Variants in TBC1D16 observed in about 807,000 individuals in gnomAD.
TBC1D16 encodes TBC1 domain family member 16.
In TBC1D16, 58 loss-of-function variants were observed where a neutral mutation model predicts 74.7. The observed-to-expected ratio is 0.78, with a 90% CI of 0.63 to 0.97. The LOEUF (loss-of-function observed/expected upper bound fraction) is 0.97. TBC1D16 is among the 50% of genes least tolerant of loss of function. The pLI is 0.00. For synonymous variants in TBC1D16, 493 were observed against 474.7 expected (o/e 1.04, Z -0.50); for missense variants, 1,014 against 1,079.5 (o/e 0.94, Z 0.85).
At position 80,010,601 on chromosome 17, in the gene TBC1D16, C is replaced by G. The variant is rs200141023; in HGVS notation, c.338G>C (p.Gly113Ala). The change falls in exon 3 of 12, where the codon GGC becomes GCC. Residue 113 changes from glycine to alanine, a missense_variant. Physicochemically the swap from Gly to Ala is moderately conservative, Grantham distance 60. Transcript: ENST00000310924. This position sits in a 1 kb window ranked among gnomAD's most constrained non-coding sequence, Gnocchi z 8.8. ...GGCTCCTGAGCTCCGGGTGCGCCGG[C>G]CCCGAGGGCGGGGTGCCTTGCGAAC... ...SPVRKAPRPR[G>A]RRTRSSGASH... is the part of the protein sequence containing the mutation. 8.2e-6 allele frequency: 13 copies of G among 1,587,236 alleles called. No individual in the cohort carries two copies. The African/African-American group carries it at 1.4e-4, about 17-fold the overall frequency.
At position 79,950,879 on chromosome 17, in the gene TBC1D16, C is replaced by T; in HGVS notation, c.1090-301G>A. 4 of 1,504,534 alleles carry T rather than the reference C, an allele frequency of 2.7e-6. No homozygotes were observed. The highest frequency in any genetic ancestry group is 3.5e-6 in the Non-Finnish European group (4 of 1,127,418). 93.2% of individuals were successfully genotyped at this position (1,504,534 alleles called of 1,614,324 possible). On this transcript the variant is annotated intron_variant, in intron 5 of 11. Transcript: ENST00000310924. This position sits in a 1 kb window ranked among gnomAD's most constrained non-coding sequence, Gnocchi z 4.6. ...GAATGCCTCGTTCGGCCTAACTTCCCTCTGCCGGGAGGGCCTGCAATGAAT... is the reference window on the plus strand; with the variant it reads ...GAATGCCTCGTTCGGCCTAACTTCCTTCTGCCGGGAGGGCCTGCAATGAAT...
At chr17:79,974,192 G>A (rs953666457) in intron 3 of TBC1D16, among the ~76,000 whole-genome samples, 1 of 152,138 alleles carries the variant, frequency 6.6e-6, no homozygotes, top group Non-Finnish European at 1.5e-5. Context: ...AGAATGGCAT[G>A]CAATTTAAAG....
chr17:79,951,736 G>T, intron 4 of TBC1D16, 139 bp from the exon 5 acceptor site: 1 of 1,043,974 alleles, frequency 9.6e-7, no homozygotes, highest in Non-Finnish European at 1.4e-6. Context: ...TTGGCTGCTA[G>T]CGGGAGGGGA....
Position 79,975,993 on chromosome 17 carries a change from C to T in TBC1D16, c.780-23175G>A, listed in dbSNP as rs1264428599. On this transcript the variant is annotated intron_variant, in intron 3 of 11. Coordinates refer to ENST00000310924, the MANE Select transcript of TBC1D16 (RefSeq NM_019020.4). This position sits in a 1 kb window ranked among gnomAD's most constrained non-coding sequence, Gnocchi z 4.5. The stretch of plus-strand genomic sequence containing the variant: ...CGGAGCCAGTCAGGGCATGGGGACG[C>T]CAGGCAGCAGTGTCAGACTTGGCCA... Among the ~76,000 whole-genome samples the T allele has an allele frequency of 2.0e-5, 3 of 152,206 alleles. No homozygotes were observed. Among genetic ancestry groups the T allele is most frequent in the African/African-American group, 7.2e-5 (3 of 41,464 alleles).
At chr17:80,006,495 A>C (rs1686704843) in intron 3 of TBC1D16, among the ~76,000 whole-genome samples, 1 of 151,720 alleles carries the variant, frequency 6.6e-6, no homozygotes, top group South Asian at 2.1e-4. Context: ...CATCATACGA[A>C]GGCCCCGGGG....
chr17:80,006,192 C>G (rs1314532760), intron 3 of TBC1D16, among the ~76,000 whole-genome samples: 1 of 151,472 alleles, frequency 6.6e-6, no homozygotes, highest in African/African-American at 2.4e-5. Flanking sequence ...CGCTCTCGCT[C>G]TCTCTCGCTC....
chr17:79,975,023 G>C lies in TBC1D16; in HGVS notation c.780-22205C>G, dbSNP rs1039005405. Among the ~76,000 whole-genome samples the C allele has an allele frequency of 6.6e-6, 1 of 152,136 alleles. No individual in the cohort carries two copies. The highest frequency in any genetic ancestry group is 1.5e-5 in the Non-Finnish European group (1 of 68,026). On this transcript the variant is annotated intron_variant, in intron 3 of 11. Transcript: ENST00000310924. This position sits in a 1 kb window ranked among gnomAD's most constrained non-coding sequence, Gnocchi z 4.5. ...CACTGCGCCCTCTATAGGTAAGAAG[G>C]CCCAAGGAAGAAGCCCTCTGCTCCG...
Position 79,940,864 on chromosome 17 carries a change from TG to T in TBC1D16, c.2298del (p.Arg767AspfsTer35). 1 of 1,542,148 alleles carries T rather than the reference TG, an allele frequency of 6.5e-7. No individual in the cohort carries two copies. On this transcript the variant is annotated frameshift_variant, in exon 12 of 12. Transcript: ENST00000310924. LOFTEE classifies it high-confidence loss of function. The surrounding 1 kb of genome is among the most constrained non-coding windows in gnomAD (Gnocchi z 5.4). ...PKTPQDGFGF[R>X]R Reference sequence around the variant, plus strand: ...TCCGGTGTCGGGGGCCCGACCTATCTGCGGAAGCCGAAGCCGTCCTGCGGCG... The same window carrying T: ...TCCGGTGTCGGGGGCCCGACCTATCTCGGAAGCCGAAGCCGTCCTGCGGCG...
intron 1 of TBC1D16, among the ~76,000 whole-genome samples, chr17:80,020,916 G>A (rs767695646): frequency 1.3e-5 from 2 of 149,982 alleles, no homozygotes; most frequent in African/African-American, 5.1e-5. Flanking sequence ...AACAATTTGG[G>A]AGGCTGACGT....
chr17:79,980,379 C>A lies in TBC1D16; in HGVS notation c.780-27561G>T, dbSNP rs370136890. On this transcript the variant is annotated intron_variant, in intron 3 of 11. Coordinates refer to ENST00000310924, the MANE Select transcript of TBC1D16 (RefSeq NM_019020.4). This position sits in a 1 kb window ranked among gnomAD's most constrained non-coding sequence, Gnocchi z 7.0. ...GCAAATTCCGCCTAACAAGCCGGAG[C>A]TTTCCTTCCTTCCCGGAGGAACAAG... Among the ~76,000 whole-genome samples the A allele has an allele frequency of 3.5e-4, 54 of 152,336 alleles. 1 individual carries two copies. The East Asian group carries it at 8.9e-3, about 25-fold the overall frequency.
At chr17:79,972,535 G>A (rs1338203845) in intron 3 of TBC1D16, among the ~76,000 whole-genome samples, 2 of 152,158 alleles carry the variant, frequency 1.3e-5, no homozygotes, top group African/African-American at 4.8e-5. Flanking sequence ...CTGACGTTAC[G>A]CTAAGTGAAA....
intron 1 of TBC1D16, among the ~76,000 whole-genome samples, chr17:80,031,726 A>G (rs1232197830): frequency 6.6e-6 from 1 of 152,164 alleles, no homozygotes; most frequent in Non-Finnish European, 1.5e-5. Context: ...AAGAAACTCA[A>G]CTCAGAGGTG....
chr17:79,978,695 C>G (rs184027951), intron 3 of TBC1D16, among the ~76,000 whole-genome samples: 6 of 152,222 alleles, frequency 3.9e-5, no homozygotes, highest in African/African-American at 1.4e-4. Flanking sequence ...AGGACGTGCA[C>G]GTGATGCCGT....
At chr17:79,997,863 G>A (rs1029174365) in intron 3 of TBC1D16, among the ~76,000 whole-genome samples, 2 of 152,198 alleles carry the variant, frequency 1.3e-5, no homozygotes, top group Non-Finnish European at 2.9e-5. Context: ...GGTGGCTCAC[G>A]CCTGTAATCC....
Position 79,936,909 on chromosome 17 carries a change from C to CGTGTGTGCGTGTGT in TBC1D16, c.*3949_*3950insACACACGCACACAC, listed in dbSNP as rs1555852433. 1.3e-4 allele frequency: 16 copies of CGTGTGTGCGTGTGT among 122,300 alleles called. No homozygotes were observed. The highest frequency in any genetic ancestry group is 3.7e-4 in the African/African-American group (14 of 37,384). 7.6% of individuals were successfully genotyped at this position (122,300 alleles called of 1,614,324 possible). A position where few individuals can be genotyped will look rare whatever the true frequency, so the allele number is the denominator to read the frequency against. On this transcript the variant is annotated 3_prime_UTR_variant, in exon 12 of 12. Coordinates refer to ENST00000310924, the MANE Select transcript of TBC1D16 (RefSeq NM_019020.4). ...GTGCATGCGTGCGTGTGTGCATGTG[C>CGTGTGTGCGTGTGT]GTGTGTGTGTGTGTGTGTGTGTGTG...
At chr17:80,030,628 C>T (rs1425113730) in intron 1 of TBC1D16, among the ~76,000 whole-genome samples, 2 of 152,234 alleles carry the variant, frequency 1.3e-5, no homozygotes, top group South Asian at 2.1e-4. Flanking sequence ...TGCCGTGCAC[C>T]GGCCTCAGGG....
At chr17:80,028,997 G>A (rs1034090231) in intron 1 of TBC1D16, among the ~76,000 whole-genome samples, 1 of 152,066 alleles carries the variant, frequency 6.6e-6, no homozygotes, top group East Asian at 1.9e-4. Flanking sequence ...TGTGTAATTC[G>A]AAAGGAAAGA....
At chr17:79,998,806 A>C (rs533327258) in intron 3 of TBC1D16, among the ~76,000 whole-genome samples, 1 of 152,244 alleles carries the variant, frequency 6.6e-6, no homozygotes, top group African/African-American at 2.4e-5. Flanking sequence ...GACTGCTTCC[A>C]CCGCGCCCGT....
intron 3 of TBC1D16, among the ~76,000 whole-genome samples, chr17:79,964,283 T>G (rs2033748820): frequency 1.3e-5 from 2 of 152,162 alleles, no homozygotes; most frequent in African/African-American, 4.8e-5. Context: ...GCCAGTTGTT[T>G]TTTGTTGTTG....
Sources: gnomAD v4.1 joint callset for allele counts (sites outside exome capture counted in the v4.1 genomes callset) on GRCh38, gnomAD v4.1.1 for gene constraint, Gnocchi (gnomAD v3.1) non-coding constraint, MANE v1.5 for transcripts, NCBI Gene and HGNC (gene_info 2026-07-23, HGNC 2026-07-21) for gene names.